Variants in ZNF18 observed in about 807,000 individuals in gnomAD.
ZNF18 encodes the protein zinc finger protein 18, also known as heart development-specific gene 1 protein.
ZNF18 carries 42 observed loss-of-function variants against 58.1 expected under a neutral mutation model. The ratio of observed to expected loss-of-function variants is 0.72; its 90% CI spans 0.56 to 0.93. ZNF18 has a LOEUF of 0.93. ZNF18 is among the 40% of genes least tolerant of loss of function. ZNF18 has a pLI of 0.00. For missense variants in ZNF18, 540 were observed against 644.2 expected, an observed-to-expected ratio of 0.84 and a Z score of 1.75; for synonymous variants, 231 against 239.8, an observed-to-expected ratio of 0.96 and a Z score of 0.34.
upstream of ZNF18, among the ~76,000 whole-genome samples, chr17:11,997,983 T>C (rs1567611929): frequency 6.6e-6 from 1 of 152,146 alleles, no homozygotes; most frequent in Admixed American, 6.6e-5. Context: ...CTGGGTCCTC[T>C]CCCACTTCTC....
the ZNF18 span, among the ~76,000 whole-genome samples, chr17:12,011,750 G>C: frequency 6.9e-6 from 1 of 144,506 alleles, no homozygotes; most frequent in African/African-American, 2.6e-5. Context: ...GCCCAGGCTG[G>C]AGTGCAGTGG....
At chr17:12,002,911 C>T in the ZNF18 span, among the ~76,000 whole-genome samples, 3 of 152,198 alleles carry the variant, frequency 2.0e-5, no homozygotes, top group African/African-American at 7.2e-5. Flanking sequence ...GCTTACCACA[C>T]GGACAAGGAA....
upstream of ZNF18, among the ~76,000 whole-genome samples, chr17:12,001,465 T>TA (rs1329052684): frequency 6.6e-6 from 1 of 151,978 alleles, no homozygotes; most frequent in Non-Finnish European, 1.5e-5. Context: ...CCATCTCTAC[T>TA]AAAAATACAA....
chr17:12,019,025 G>T, the ZNF18 span, among the ~76,000 whole-genome samples: 12 of 151,746 alleles, frequency 7.9e-5, no homozygotes. Context: ...CACAATCTCG[G>T]CTCACTGCAA....
At chr17:11,990,598 C>T in intron 3 of ZNF18, 48 bp from the exon 4 acceptor site, 1 of 1,487,544 alleles carries the variant, frequency 6.7e-7, no homozygotes. Flanking sequence ...CTTCCTTAAC[C>T]ACTCCCCAGA....
intron 4 of ZNF18, among the ~76,000 whole-genome samples, chr17:11,989,751 G>C (rs1967978659): frequency 6.7e-6 from 1 of 149,872 alleles, no homozygotes; most frequent in African/African-American, 2.5e-5. Flanking sequence ...TACTATAAAA[G>C]AAAAGATTAA....
At chr17:11,983,559 G>A in intron 5 of ZNF18, 152 bp from the exon 6 acceptor site, 1 of 614,188 alleles carries the variant, frequency 1.6e-6, no homozygotes, top group Non-Finnish European at 2.9e-6. Context: ...TGTGGAGCTT[G>A]TAAGACACCA....
intron 6 of ZNF18, among the ~76,000 whole-genome samples, chr17:11,980,629 G>A (rs1967278198): frequency 6.6e-6 from 1 of 152,036 alleles, no homozygotes; most frequent in Non-Finnish European, 1.5e-5. Context: ...ATGTTAGCCA[G>A]GCTGGTCTCG....
chr17:11,990,158 A>G (rs1017859626), intron 4 of ZNF18, among the ~76,000 whole-genome samples: 2 of 152,174 alleles, frequency 1.3e-5, no homozygotes, highest in Non-Finnish European at 2.9e-5. Flanking sequence ...TCCCAATTAC[A>G]TGAAATGTGA....
At chr17:12,018,962 A>AT in the ZNF18 span, among the ~76,000 whole-genome samples, 31 of 150,444 alleles carry the variant, frequency 2.1e-4, no homozygotes, top group African/African-American at 7.1e-4. Context: ...ATATATACAT[A>AT]TTTTTTTTAA....
chr17:12,013,738 T>C, the ZNF18 span, among the ~76,000 whole-genome samples: 3 of 152,250 alleles, frequency 2.0e-5, no homozygotes, highest in Admixed American at 2.0e-4. Context: ...CTTAATTCTT[T>C]TCAACATTCT....
At chr17:11,994,620 T>A (rs1968345533) in intron 1 of ZNF18, among the ~76,000 whole-genome samples, 1 of 152,056 alleles carries the variant, frequency 6.6e-6, no homozygotes, top group South Asian at 2.1e-4. Context: ...GGTGGCTGGA[T>A]CACAAGGTCA....
chr17:11,993,645 C>T (rs1172729640), intron 1 of ZNF18: 2 of 151,594 alleles, frequency 1.3e-5, no homozygotes, highest in Admixed American at 6.6e-5. Context: ...ACGGTGAAAC[C>T]CCGTCTCTAC....
chr17:12,009,843 C>T, the ZNF18 span, among the ~76,000 whole-genome samples: 1 of 152,200 alleles, frequency 6.6e-6, no homozygotes, highest in Non-Finnish European at 1.5e-5. Flanking sequence ...TCTTGAAAAA[C>T]CACTTAAAAT....
chr17:11,981,078 T>A (rs1331924811), intron 6 of ZNF18, among the ~76,000 whole-genome samples: 1 of 152,088 alleles, frequency 6.6e-6, no homozygotes, highest in African/African-American at 2.4e-5. Flanking sequence ...TCACTCTCTA[T>A]ATTGACTTTT....
the ZNF18 span, among the ~76,000 whole-genome samples, chr17:12,007,052 G>T: frequency 3.3e-5 from 5 of 151,974 alleles, no homozygotes; most frequent in African/African-American, 1.2e-4. Flanking sequence ...GTTTTGTTTT[G>T]TTTCTGTCTT....
chr17:11,978,459 G>C lies in ZNF18; in HGVS notation c.1148C>G (p.Ser383Cys), dbSNP rs1342038559. ...HLPNPHSGEM[S>C]TMWLEEKRET... ...TCTCTTCTCCTCAAGCCACATGGTG[G>C]ACATTTCTCCTGAATGAGGATTAGG... Residue 383 changes from serine (S) to cysteine (C), a missense_variant, in exon 7 of 7, where the codon TCC becomes TGC. Transcript: ENST00000580306. 6.3e-7 allele frequency: 1 copy of C among 1,578,764 alleles called. No individual in the cohort carries two copies. The highest frequency in any genetic ancestry group is 8.6e-7 in the Non-Finnish European group (1 of 1,163,836).
At chr17:11,994,025 CT>C (rs1968313216) in intron 1 of ZNF18, among the ~76,000 whole-genome samples, 1 of 152,076 alleles carries the variant, frequency 6.6e-6, no homozygotes, top group Non-Finnish European at 1.5e-5. Context: ...TTCTAGTTAA[CT>C]TTCTTGCAAG....
chr17:12,003,424 T>C, the ZNF18 span, among the ~76,000 whole-genome samples: 1 of 144,410 alleles, frequency 6.9e-6, no homozygotes, highest in African/African-American at 2.6e-5. Flanking sequence ...CGGGTGACAG[T>C]GTGAGACTCT....
Sources: allele counts gnomAD v4.1 joint callset (sites outside exome capture counted in the v4.1 genomes callset), GRCh38; gene constraint gnomAD v4.1.1; transcripts MANE v1.5; gene names NCBI Gene and HGNC (gene_info 2026-07-23, HGNC 2026-07-21).